The following CDKAL1 variants were observed in gnomAD, a reference collection of about 807,000 sequenced individuals.
The protein encoded by CDKAL1 is CDKAL1 threonylcarbamoyladenosine tRNA methylthiotransferase.
CDKAL1 carries 32 observed loss-of-function variants against 68.2 expected under a neutral mutation model. The ratio of observed to expected loss-of-function variants is 0.47; its 90% CI spans 0.35 to 0.63. The LOEUF (loss-of-function observed/expected upper bound fraction) is 0.63, where lower values mean the gene tolerates loss of function less well. Ranked by LOEUF, CDKAL1 falls within the 30% of genes least tolerant of loss-of-function variation. The pLI is 0.00. For missense variants in CDKAL1, 606 were observed against 696.7 expected (o/e 0.87, Z 1.47); for synonymous variants, 234 against 244.3 (o/e 0.96, Z 0.39).
At chr6:20,963,498 G>A (rs995575836) in intron 10 of CDKAL1, among the ~76,000 whole-genome samples, 6 of 152,080 alleles carry the variant, frequency 3.9e-5, no homozygotes, top group African/African-American at 1.4e-4. Context: ...CTACTACTGA[G>A]CCTTTGTTTG....
intron 15 of CDKAL1, among the ~76,000 whole-genome samples, chr6:21,222,729 G>A (rs1200182517): frequency 1.3e-5 from 2 of 152,090 alleles, no homozygotes; most frequent in Non-Finnish European, 2.9e-5. Context: ...TTCAAGGAAG[G>A]GAGCTGGCAT....
intron 15 of CDKAL1, among the ~76,000 whole-genome samples, chr6:21,218,260 A>G (rs966331002): frequency 6.6e-6 from 1 of 152,202 alleles, no homozygotes; most frequent in Non-Finnish European, 1.5e-5. Flanking sequence ...TGTCTTTCCT[A>G]TTGGTCTTCA....
chr6:20,578,170 A>G (rs1213326866), intron 4 of CDKAL1, among the ~76,000 whole-genome samples: 3 of 152,150 alleles, frequency 2.0e-5, no homozygotes, highest in Non-Finnish European at 2.9e-5. Flanking sequence ...TGCTTTTTAA[A>G]TTTTTAAAAA....
chr6:20,894,246 A>G (rs1329655476), intron 9 of CDKAL1, among the ~76,000 whole-genome samples: 5 of 152,132 alleles, frequency 3.3e-5, no homozygotes. Flanking sequence ...TTTTGGTCAG[A>G]TATTGTTTTA....
intron 5 of CDKAL1, among the ~76,000 whole-genome samples, chr6:20,664,863 T>C (rs1436969740): frequency 6.6e-6 from 1 of 152,098 alleles, no homozygotes; most frequent in Non-Finnish European, 1.5e-5. Flanking sequence ...AATGGGTGGC[T>C]TGAGGGGTAT....
intron 8 of CDKAL1, among the ~76,000 whole-genome samples, chr6:20,809,732 A>G (rs1047307642): frequency 4.6e-5 from 7 of 152,230 alleles, no homozygotes; most frequent in Non-Finnish European, 8.8e-5. Flanking sequence ...GAAGAAGTCA[A>G]TTCAAAGATG....
intron 5 of CDKAL1, among the ~76,000 whole-genome samples, chr6:20,668,958 T>G (rs1742738353): frequency 1.3e-5 from 2 of 152,286 alleles, no homozygotes; most frequent in African/African-American, 2.4e-5. Flanking sequence ...AATATAGGAG[T>G]GGTCGATATT....
intron 9 of CDKAL1, among the ~76,000 whole-genome samples, chr6:20,896,142 C>T (rs1390317213): frequency 7.6e-6 from 1 of 131,880 alleles, no homozygotes; most frequent in Non-Finnish European, 1.5e-5. Flanking sequence ...TGCTCTGTTG[C>T]CAGACTGGAG....
intron 13 of CDKAL1, among the ~76,000 whole-genome samples, chr6:21,152,665 G>A (rs528667149): frequency 2.1e-4 from 32 of 152,150 alleles, no homozygotes; most frequent in Non-Finnish European, 2.4e-4. Context: ...TTTACTGCCC[G>A]TAATGATTAT....
chr6:20,971,116 G>A (rs1450375130), intron 10 of CDKAL1, among the ~76,000 whole-genome samples: 1 of 152,126 alleles, frequency 6.6e-6, no homozygotes. Context: ...CAAAGTGCTG[G>A]GATTACAGGC....
At chr6:21,042,824 C>T (rs1284249362) in intron 11 of CDKAL1, among the ~76,000 whole-genome samples, 1 of 152,174 alleles carries the variant, frequency 6.6e-6, no homozygotes, top group African/African-American at 2.4e-5. Context: ...GTCCTAACCT[C>T]CTTGTTAGCT....
At chr6:21,222,918 A>G (rs1289998951) in intron 15 of CDKAL1, among the ~76,000 whole-genome samples, 1 of 152,098 alleles carries the variant, frequency 6.6e-6, no homozygotes, top group African/African-American at 2.4e-5. Context: ...ACGTGTTCTC[A>G]TGTGAGCGCA....
intron 6 of CDKAL1, among the ~76,000 whole-genome samples, chr6:20,750,951 GAAAAAAAAAAAAAAAAAAAA>G (rs59244637): frequency 3.2e-4 from 15 of 47,082 alleles, no homozygotes; most frequent in South Asian, 1.6e-3. Context: ...GCAACAGAGT[GAAAAAAAAAAAAAAAAAAAA>G]AAAAAAAAAA....
intron 5 of CDKAL1, among the ~76,000 whole-genome samples, chr6:20,673,747 T>C (rs2127783568): frequency 6.6e-6 from 1 of 152,306 alleles, no homozygotes; most frequent in Admixed American, 6.5e-5. Flanking sequence ...GAACAAGCTC[T>C]CTTTTTTCCT....
intron 9 of CDKAL1, among the ~76,000 whole-genome samples, chr6:20,909,830 A>G (rs1431224333): frequency 1.3e-5 from 2 of 152,088 alleles, no homozygotes; most frequent in African/African-American, 4.8e-5. Flanking sequence ...AGCAGGTCCT[A>G]TTTCCTTGAA....
intron 5 of CDKAL1, among the ~76,000 whole-genome samples, chr6:20,725,332 T>A (rs1012568799): frequency 6.6e-6 from 1 of 152,220 alleles, no homozygotes; most frequent in African/African-American, 2.4e-5. Context: ...TGTTAATCCC[T>A]TTAAGAATGG....
At chr6:20,723,159 C>T (rs1224563993) in intron 5 of CDKAL1, among the ~76,000 whole-genome samples, 1 of 152,194 alleles carries the variant, frequency 6.6e-6, no homozygotes, top group Admixed American at 6.5e-5. Context: ...TGTTAACCCA[C>T]CACTGTCCGT....
At chr6:20,901,832 C>T (rs1433794441) in intron 9 of CDKAL1, among the ~76,000 whole-genome samples, 3 of 151,558 alleles carry the variant, frequency 2.0e-5, no homozygotes, top group Admixed American at 1.3e-4. Context: ...GCTGGAGTAC[C>T]ATGGCGCAAT....
intron 4 of CDKAL1, among the ~76,000 whole-genome samples, chr6:20,624,056 C>T (rs1188410102): frequency 6.6e-6 from 1 of 151,904 alleles, no homozygotes; most frequent in Non-Finnish European, 1.5e-5. Flanking sequence ...GACTGATAAC[C>T]TTTGACATGA....
Sources: allele counts gnomAD v4.1 joint callset (sites outside exome capture counted in the v4.1 genomes callset), GRCh38; gene constraint gnomAD v4.1.1; transcripts MANE v1.5; gene names NCBI Gene and HGNC (gene_info 2026-07-23, HGNC 2026-07-21).